SNX9: variants seen among roughly 807,000 people sequenced by gnomAD.
SNX9 encodes sorting nexin 9, also known as sorting nexin-9.
SNX9 carries 44 observed loss-of-function variants against 89.4 expected under a neutral mutation model. That is an observed-to-expected ratio of 0.49 (90% CI 0.39 to 0.63). The LOEUF is 0.63. Among genes scored for constraint, SNX9 ranks in the 30% least tolerant of loss-of-function variants. The pLI is 0.00. For missense variants in SNX9, 578 were observed against 736.1 expected (o/e 0.79, Z 2.49); for synonymous variants, 236 against 247.8 (o/e 0.95, Z 0.45).
At chr6:157,829,960 A>G (rs1402219942) in intron 1 of SNX9, among the ~76,000 whole-genome samples, 1 of 152,180 alleles carries the variant, frequency 6.6e-6, no homozygotes, top group South Asian at 2.1e-4. Flanking sequence ...TCCAGTGGTT[A>G]TCATAAGGAT....
intron 4 of SNX9, among the ~76,000 whole-genome samples, chr6:157,884,611 ATTCTTTTTAG>A (rs1237447519): frequency 6.6e-6 from 1 of 151,942 alleles, no homozygotes; most frequent in East Asian, 1.9e-4. Context: ...CCCCGTATGA[ATTCTTTTTAG>A]TTGGTAATAG....
chr6:157,882,020 T>G (rs1583215030), intron 4 of SNX9, among the ~76,000 whole-genome samples: 1 of 152,324 alleles, frequency 6.6e-6, no homozygotes, highest in East Asian at 1.9e-4. Context: ...GAAGATGCCA[T>G]CTAGGACTTG....
chr6:157,913,686 C>T (rs570020924), intron 9 of SNX9, among the ~76,000 whole-genome samples: 10 of 152,286 alleles, frequency 6.6e-5, no homozygotes, highest in Admixed American at 5.2e-4. Flanking sequence ...ATGGCAACAG[C>T]TGATGTGTTC....
intron 1 of SNX9, among the ~76,000 whole-genome samples, chr6:157,857,854 A>G (rs1782042992): frequency 2.0e-5 from 3 of 152,182 alleles, no homozygotes; most frequent in Non-Finnish European, 4.4e-5. Flanking sequence ...CTTTGAATCC[A>G]TTTGTATTGT....
chr6:157,904,382 C>T (rs919855889), intron 6 of SNX9, among the ~76,000 whole-genome samples: 3 of 151,872 alleles, frequency 2.0e-5, no homozygotes. Flanking sequence ...TGCAGTGAGC[C>T]GAGATGGCAC....
intron 1 of SNX9, among the ~76,000 whole-genome samples, chr6:157,848,009 C>T (rs1000921793): frequency 2.6e-5 from 4 of 152,112 alleles, no homozygotes; most frequent in African/African-American, 4.8e-5. Flanking sequence ...TGGCAAGACC[C>T]CTCCTCACCT....
chr6:157,934,841 A>T (rs2115213676), intron 13 of SNX9, among the ~76,000 whole-genome samples: 1 of 152,356 alleles, frequency 6.6e-6, no homozygotes, highest in South Asian at 2.1e-4. Context: ...CTCTAGAAAC[A>T]GTTACCCAAT....
chr6:157,882,556 G>T (rs2746219), intron 4 of SNX9, among the ~76,000 whole-genome samples: 1 of 152,096 alleles, frequency 6.6e-6, no homozygotes, highest in African/African-American at 2.4e-5. Context: ...AGGATTCATC[G>T]TTCTGGATGC....
intron 5 of SNX9, among the ~76,000 whole-genome samples, chr6:157,899,603 TCTA>T (rs1463948624): frequency 2.0e-5 from 3 of 151,966 alleles, no homozygotes; most frequent in African/African-American, 2.4e-5. Flanking sequence ...AAACCCCATC[TCTA>T]CTAAAAATAG....
Position 157,928,584 on chromosome 6 carries a change from C to G in SNX9, c.1185-15C>G. On this transcript the variant is annotated splice_polypyrimidine_tract_variant and intron_variant, in intron 11 of 17. Transcript: ENST00000392185. ...TTCTCCTGCTTATGTGACTGACGGC[C>G]GCCTTCACCCACAGAGAGCAGAAGT... 3 of 1,590,860 alleles carry G rather than the reference C, an allele frequency of 1.9e-6. No homozygotes were observed. Among genetic ancestry groups the G allele is most frequent in the Non-Finnish European group, 2.6e-6 (3 of 1,168,334 alleles).
chr6:157,896,876 G>A lies in SNX9; in HGVS notation c.350G>A (p.Gly117Glu). 1.9e-6 allele frequency: 3 copies of A among 1,613,390 alleles called. No individual in the cohort carries two copies. Among genetic ancestry groups the A allele is most frequent in the East Asian group, 2.2e-5 (1 of 44,874 alleles). ...TCAGCCTGGAGTGCCTCCAAATCTG[G>A]GAACTGGGAAAGCTCAGAAGGCTGG... The part of the protein sequence containing the change: ...PWSAWSASKS[G>E]NWESSEGWGA... Residue 117 changes from glycine (G) to glutamate (E), a missense_variant, in exon 5 of 18, where the codon GGG (glycine) becomes GAG (glutamate). Around this residue, in one of 2 missense-constraint regions of SNX9, gnomAD observed 230 missense variants for 244.7 expected, o/e 0.94. Transcript: ENST00000392185.
At chr6:157,834,154 T>TTTTG (rs1781530700) in intron 1 of SNX9, among the ~76,000 whole-genome samples, 9 of 64,436 alleles carry the variant, frequency 1.4e-4, no homozygotes, top group Non-Finnish European at 1.8e-4. Context: ...ACTGTGGTTT[T>TTTTG]TTTTTTTTTT....
At chr6:157,834,519 A>T (rs1186701514) in intron 1 of SNX9, among the ~76,000 whole-genome samples, 1 of 141,310 alleles carries the variant, frequency 7.1e-6, no homozygotes, top group Non-Finnish European at 1.5e-5. Flanking sequence ...CCAATTTTTT[A>T]AATTTTTTTT....
Position 157,859,966 on chromosome 6 carries a change from C to T in SNX9, c.13-7581C>T, listed in dbSNP as rs1283741986. Among the ~76,000 whole-genome samples, 4 of 152,320 alleles carry T rather than the reference C, an allele frequency of 2.6e-5. No individual in the cohort carries two copies. The East Asian group carries it at 7.7e-4, about 29-fold the overall frequency. On this transcript the variant is annotated intron_variant, in intron 1 of 17. Transcript: ENST00000392185. ...TTTTGGCCCATGAACAAAATCTAGC[C>T]TGTCATGTGCAGTTTGTAAATAAAG...
chr6:157,828,668 A>AT (rs1267063862), intron 1 of SNX9, among the ~76,000 whole-genome samples: 1 of 151,966 alleles, frequency 6.6e-6, no homozygotes, highest in East Asian at 1.9e-4. Context: ...TACTTTTTGT[A>AT]TTTTTTGTAG....
chr6:157,886,574 A>G (rs1039309825), intron 4 of SNX9, among the ~76,000 whole-genome samples: 2 of 152,242 alleles, frequency 1.3e-5, no homozygotes, highest in African/African-American at 4.8e-5. Flanking sequence ...ATGGTTTACC[A>G]CCAGTTGGTA....
chr6:157,882,882 A>G (rs1378908540), intron 4 of SNX9, among the ~76,000 whole-genome samples: 2 of 152,246 alleles, frequency 1.3e-5, no homozygotes, highest in Non-Finnish European at 2.9e-5. Flanking sequence ...AGAATATTCC[A>G]TAAACTTAGT....
chr6:157,907,161 A>ATT (rs368312212), intron 7 of SNX9, among the ~76,000 whole-genome samples: 2 of 151,740 alleles, frequency 1.3e-5, no homozygotes, highest in East Asian at 3.9e-4. Context: ...TATATTAAAG[A>ATT]TTTTTTTTTC....
At chr6:157,927,085 G>A (rs374764274) in intron 10 of SNX9, 26 bp from the exon 11 acceptor site, 1 of 1,581,412 alleles carries the variant, frequency 6.3e-7, no homozygotes, top group African/African-American at 1.3e-5. Context: ...CTCTCCACTT[G>A]AACCTTACAA....
Sources: gnomAD v4.1 joint callset for allele counts (sites outside exome capture counted in the v4.1 genomes callset) on GRCh38, gnomAD v4.1.1 for gene constraint, gnomAD v4.1.1 regional missense constraint, MANE v1.5 for transcripts, NCBI Gene and HGNC (gene_info 2026-07-23, HGNC 2026-07-21) for gene names.